CAB39: variants seen among roughly 807,000 people sequenced by gnomAD.
CAB39 encodes calcium binding protein 39.
A neutral mutation model predicts 40.0 loss-of-function variants in CAB39; 8 were observed. The observed-to-expected ratio is 0.20, with a 90% CI of 0.12 to 0.36. CAB39 has a LOEUF of 0.36. Among genes scored for constraint, CAB39 ranks in the 10% least tolerant of loss-of-function variants. The probability of loss-of-function intolerance (pLI) is 1.00; values close to 1 mark genes in which losing one functional copy is unlikely to be tolerated. For synonymous variants in CAB39, 156 were observed against 141.6 expected, an observed-to-expected ratio of 1.10 and a Z score of -0.72; for missense variants, 270 against 401.1, an observed-to-expected ratio of 0.67 and a Z score of 2.79.
intron 2 of CAB39, among the ~76,000 whole-genome samples, chr2:230,764,765 G>A (rs766624711): frequency 2.0e-5 from 3 of 152,198 alleles, no homozygotes; most frequent in Non-Finnish European, 4.4e-5. Context: ...TGAATAGTGT[G>A]TCTGTCTGTC....
intron 1 of CAB39, among the ~76,000 whole-genome samples, chr2:230,717,991 AT>A (rs1373309832): frequency 2.0e-5 from 3 of 152,294 alleles, no homozygotes; most frequent in African/African-American, 4.8e-5. Flanking sequence ...ATGATCTTTA[AT>A]AGCTTTTGTC....
rs894569737 is a variant in CAB39 at position 230,786,503 on chromosome 2, T to C, written c.115-4369T>C. On this transcript the variant is annotated intron_variant, in intron 2 of 8. Coordinates refer to ENST00000258418, the MANE Select transcript of CAB39 (RefSeq NM_016289.4). ...TAACCACAGTTAATTTTAGGACATT[T>C]TGTCACCTCACAAACCTGTACCCTT... 3.3e-5 allele frequency among the ~76,000 whole-genome samples: 5 copies of C among 152,194 alleles called. No homozygotes were observed. The South Asian group carries it at 8.3e-4, about 25-fold the overall frequency.
chr2:230,782,755 G>A (rs1242151031), intron 2 of CAB39, among the ~76,000 whole-genome samples: 2 of 150,222 alleles, frequency 1.3e-5, no homozygotes, highest in Middle Eastern at 3.4e-3. Context: ...TTCCAACACC[G>A]CAAGTATTTC....
intron 1 of CAB39, among the ~76,000 whole-genome samples, chr2:230,717,688 G>A (rs541967863): frequency 2.0e-4 from 30 of 152,374 alleles, no homozygotes; most frequent in African/African-American, 7.2e-4. Flanking sequence ...TAGACTGGTG[G>A]TGATGAAATC....
intron 2 of CAB39, among the ~76,000 whole-genome samples, chr2:230,789,080 CT>C (rs1695847248): frequency 6.6e-6 from 1 of 152,250 alleles, no homozygotes; most frequent in Admixed American, 6.5e-5. Flanking sequence ...TTTTTCCCCC[CT>C]AAGTTTCATT....
Position 230,713,122 on chromosome 2 carries a change from G to C in CAB39, c.-152G>C, listed in dbSNP as rs980346733. On this transcript the variant is annotated 5_prime_UTR_variant, in exon 1 of 9. Coordinates refer to ENST00000258418, the MANE Select transcript of CAB39 (RefSeq NM_016289.4). Reference sequence around the variant, plus strand: ...GGGCGGAAGACAACGGAGGGGCCGAGCGTCCGAGCCACTCCGCGGGGACCG... The same window carrying C: ...GGGCGGAAGACAACGGAGGGGCCGACCGTCCGAGCCACTCCGCGGGGACCG... The C allele has an allele frequency of 5.3e-5, 8 of 151,862 alleles. No homozygotes were observed. Among genetic ancestry groups the C allele is most frequent in the African/African-American group, 1.9e-4 (8 of 41,404 alleles). The allele number at this position is 151,862 out of a possible 1,614,324, so 9.4% of individuals were successfully genotyped here. A position where few individuals can be genotyped will look rare whatever the true frequency, so the allele number is the denominator to read the frequency against.
At chr2:230,772,764 C>T (rs569833958) in intron 2 of CAB39, among the ~76,000 whole-genome samples, 119 of 152,172 alleles carry the variant, frequency 7.8e-4, no homozygotes, top group African/African-American at 2.8e-3. Context: ...GGATTACAGG[C>T]GTGAGACACC....
rs146411958 is a variant in CAB39 at position 230,804,999 on chromosome 2, A to G, written c.568-5264A>G. On this transcript the variant is annotated intron_variant, in intron 5 of 8. Coordinates refer to ENST00000258418, the MANE Select transcript of CAB39 (RefSeq NM_016289.4). ...ATAGCAAAGACTTGGAACCAACCCAAATGTCCATCAGTGACAGACTGGATT... is the reference window on the plus strand; with the variant it reads ...ATAGCAAAGACTTGGAACCAACCCAGATGTCCATCAGTGACAGACTGGATT... Among the ~76,000 whole-genome samples, 36 of 152,304 alleles carry G rather than the reference A, an allele frequency of 2.4e-4. No individual in the cohort carries two copies. In the East Asian group the frequency reaches 6.7e-3, roughly 29 times the overall value.
At chr2:230,720,289 A>G (rs1289728156) in intron 1 of CAB39, among the ~76,000 whole-genome samples, 3 of 152,204 alleles carry the variant, frequency 2.0e-5, no homozygotes, top group Non-Finnish European at 2.9e-5. Flanking sequence ...TTAATCCCCT[A>G]CCTATGTAAA....
At chr2:230,773,892 TTC>T (rs761592664) in intron 2 of CAB39, among the ~76,000 whole-genome samples, 15 of 152,160 alleles carry the variant, frequency 9.9e-5, no homozygotes, top group Non-Finnish European at 1.9e-4. Context: ...ACAGCAAGTT[TTC>T]TGTTTCTGAA....
intron 1 of CAB39, among the ~76,000 whole-genome samples, chr2:230,730,843 A>G (rs1694675924): frequency 6.6e-6 from 1 of 152,220 alleles, no homozygotes; most frequent in Non-Finnish European, 1.5e-5. Flanking sequence ...TGTGAAAAAA[A>G]TTTGTGCGAT....
At chr2:230,774,446 C>A (rs1390849581) in intron 2 of CAB39, among the ~76,000 whole-genome samples, 1 of 152,074 alleles carries the variant, frequency 6.6e-6, no homozygotes, top group Non-Finnish European at 1.5e-5. Context: ...GTTAATGTTA[C>A]CATCCTTATT....
At chr2:230,791,429 T>C (rs1695890802) in intron 3 of CAB39, among the ~76,000 whole-genome samples, 1 of 152,214 alleles carries the variant, frequency 6.6e-6, no homozygotes, top group Admixed American at 6.5e-5. Context: ...GAAGATACAA[T>C]CTTAAGAGAA....
intron 1 of CAB39, among the ~76,000 whole-genome samples, chr2:230,719,936 GGTAGTGTTATTTCACA>G (rs1046736530): frequency 6.6e-6 from 1 of 152,114 alleles, no homozygotes; most frequent in African/African-American, 2.4e-5. Flanking sequence ...TTGGTCAGAT[GGTAGTGTTATTTCACA>G]GTACTGAAGT....
In CAB39 at chr2:230,741,036, G is replaced by A. The variant is rs143490810; in HGVS notation, c.-43-18923G>A. ...TGGGGAGTATGGGATCCAGTTTGGA[G>A]CACCACACTCTGAGAGGAGCAGTGA... On this transcript the variant is annotated intron_variant, in intron 1 of 8. Coordinates refer to ENST00000258418, the MANE Select transcript of CAB39 (RefSeq NM_016289.4). Among the ~76,000 whole-genome samples the A allele has an allele frequency of 2.3e-3, 351 of 152,326 alleles. 1 individual carries two copies. Among genetic ancestry groups the A allele is most frequent in the African/African-American group, 8.2e-3 (341 of 41,578 alleles).
intron 3 of CAB39, 104 bp from the exon 4 acceptor site, chr2:230,793,109 T>A (rs1695918510): frequency 1.6e-6 from 1 of 642,236 alleles, no homozygotes. Context: ...AGATATTCAG[T>A]CATAACAATA....
intron 1 of CAB39, among the ~76,000 whole-genome samples, chr2:230,729,736 T>C (rs1334130047): frequency 6.7e-6 from 1 of 149,862 alleles, no homozygotes; most frequent in African/African-American, 2.5e-5. Context: ...AATGAAACTG[T>C]CTTAAGGAAA....
At chr2:230,816,944 C>T (rs1196827948) in intron 7 of CAB39, among the ~76,000 whole-genome samples, 1 of 152,216 alleles carries the variant, frequency 6.6e-6, no homozygotes, top group South Asian at 2.1e-4. Context: ...CAGCTTGGCA[C>T]CTGCCCCACT....
intron 1 of CAB39, among the ~76,000 whole-genome samples, chr2:230,748,412 T>C (rs947788263): frequency 1.1e-4 from 16 of 152,188 alleles, no homozygotes; most frequent in Non-Finnish European, 2.4e-4. Context: ...GTGTTGTCCA[T>C]GTAGTTAGCC....
Sources: gnomAD v4.1 joint callset for allele counts (sites outside exome capture counted in the v4.1 genomes callset) on GRCh38, gnomAD v4.1.1 for gene constraint, MANE v1.5 for transcripts, NCBI Gene and HGNC (gene_info 2026-07-23, HGNC 2026-07-21) for gene names.